The following ARHGAP39 variants were observed in gnomAD, a reference collection of about 807,000 sequenced individuals.
ARHGAP39 encodes the protein rho GTPase-activating protein 39.
In ARHGAP39, 44 loss-of-function variants were observed where a neutral mutation model predicts 106.9. The observed-to-expected ratio is 0.41, with a 90% CI of 0.32 to 0.53. The LOEUF is 0.53. Among genes scored for constraint, ARHGAP39 ranks in the 20% least tolerant of loss-of-function variants. ARHGAP39 has a pLI of 0.21. For missense variants in ARHGAP39, 1,496 were observed against 1,577.3 expected (o/e 0.95, Z 0.87); for synonymous variants, 768 against 693.2 (o/e 1.11, Z -1.69).
chr8:144,535,376 G>A lies in ARHGAP39; in HGVS notation c.2615-1174C>T, dbSNP rs561987512. Among the ~76,000 whole-genome samples, 4 of 152,304 alleles carry A rather than the reference G, an allele frequency of 2.6e-5. No individual in the cohort carries two copies. In the South Asian group the frequency reaches 8.3e-4, roughly 32 times the overall value. ...CTAGAAAATCTGTCATGGTCCTTGGGACCACAGGTCTTGGCAGAGGATGTG... is the reference window on the plus strand; with the variant it reads ...CTAGAAAATCTGTCATGGTCCTTGGAACCACAGGTCTTGGCAGAGGATGTG... On this transcript the variant is annotated intron_variant, in intron 7 of 11. Transcript: ENST00000377307.
Position 144,547,078 on chromosome 8 carries a change from T to C in ARHGAP39, c.1959+49A>G, listed in dbSNP as rs1252285685. On this transcript the variant is annotated intron_variant, in intron 5 of 11. Transcript: ENST00000377307. The surrounding 1 kb of genome is among the most constrained non-coding windows in gnomAD (Gnocchi z 5.2). ...CCTGGCCCACGGGGTCCACTCTGAC[T>C]GGGCTGGCCCCAGGCTCTCAAGCTC... The C allele has an allele frequency of 1.3e-6, 2 of 1,501,976 alleles. No individual in the cohort carries two copies. Among genetic ancestry groups the C allele is most frequent in the Admixed American group, 4.5e-5 (2 of 44,390 alleles). The allele number at this position is 1,501,976 out of a possible 1,614,324, so 93.0% of individuals were successfully genotyped here. A position where few individuals can be genotyped will look rare whatever the true frequency, so the allele number is the denominator to read the frequency against.
intron 1 of ARHGAP39, among the ~76,000 whole-genome samples, chr8:144,650,418 T>C (rs1821545451): frequency 6.6e-6 from 1 of 152,156 alleles, no homozygotes; most frequent in African/African-American, 2.4e-5. Flanking sequence ...AGCATCATCC[T>C]GATACCAAAA....
At position 144,663,941 on chromosome 8, in the gene ARHGAP39, C is replaced by T. The variant is rs576285032; in HGVS notation, c.-82+21745G>A. 8.5e-5 allele frequency among the ~76,000 whole-genome samples: 13 copies of T among 152,224 alleles called. No homozygotes were observed. In the South Asian group the frequency reaches 1.2e-3, roughly 15 times the overall value. On this transcript the variant is annotated intron_variant, in intron 1 of 11. Coordinates refer to ENST00000377307, the MANE Select transcript of ARHGAP39 (RefSeq NM_025251.3). ...CAGCACGCTGGGTGGCTGAGACAGG[C>T]GGATCACTTGAGGCCAGGAGTTCAA...
intron 1 of ARHGAP39, among the ~76,000 whole-genome samples, chr8:144,617,816 C>T (rs1039193655): frequency 3.3e-5 from 5 of 152,184 alleles, no homozygotes; most frequent in African/African-American, 1.2e-4. Flanking sequence ...GGGTCTTGCT[C>T]TGTCGCCCAG....
At chr8:144,662,119 T>C (rs1259278505) in intron 1 of ARHGAP39, among the ~76,000 whole-genome samples, 2 of 150,216 alleles carry the variant, frequency 1.3e-5, no homozygotes, top group Non-Finnish European at 3.0e-5. Context: ...TTATCCAACT[T>C]GGACCGCTCA....
chr8:144,538,966 C>T (rs1243679215), intron 6 of ARHGAP39, among the ~76,000 whole-genome samples: 20 of 124,128 alleles, frequency 1.6e-4, no homozygotes, highest in Admixed American at 1.4e-3. Flanking sequence ...GAACTCCTTC[C>T]GCTGGCCCCT....
intron 3 of ARHGAP39, among the ~76,000 whole-genome samples, chr8:144,574,558 C>CA (rs1818703614): frequency 6.6e-6 from 1 of 152,174 alleles, no homozygotes; most frequent in Non-Finnish European, 1.5e-5. Context: ...CCTGTAGTCC[C>CA]AGCTACTCGG....
chr8:144,573,003 G>A (rs963203423), intron 3 of ARHGAP39, among the ~76,000 whole-genome samples: 2 of 152,064 alleles, frequency 1.3e-5, no homozygotes, highest in Non-Finnish European at 2.9e-5. Flanking sequence ...CACTGTTGGT[G>A]GGACTGTAAA....
chr8:144,612,991 G>A (rs1820534740), intron 1 of ARHGAP39, among the ~76,000 whole-genome samples: 1 of 152,122 alleles, frequency 6.6e-6, no homozygotes, highest in African/African-American at 2.4e-5. Context: ...ATTTTATGTG[G>A]GTCAACTTTA....
At chr8:144,606,807 A>G (rs11785531) in intron 1 of ARHGAP39, among the ~76,000 whole-genome samples, 1 of 152,194 alleles carries the variant, frequency 6.6e-6, no homozygotes, top group Non-Finnish European at 1.5e-5. Context: ...TTCTAGATGC[A>G]CTGTAGGTCT....
chr8:144,603,563 A>C (rs1014571670), intron 2 of ARHGAP39, among the ~76,000 whole-genome samples: 2 of 151,840 alleles, frequency 1.3e-5, no homozygotes, highest in African/African-American at 2.4e-5. Flanking sequence ...GGTGGTGCGC[A>C]CCTGTAATCC....
chr8:144,593,350 T>G (rs1819478624), intron 2 of ARHGAP39, among the ~76,000 whole-genome samples: 1 of 152,098 alleles, frequency 6.6e-6, no homozygotes, highest in Non-Finnish European at 1.5e-5. Flanking sequence ...GGAGAGTCTC[T>G]TCAACAAACG....
intron 3 of ARHGAP39, among the ~76,000 whole-genome samples, chr8:144,556,025 C>T (rs1206597349): frequency 1.3e-5 from 2 of 152,206 alleles, no homozygotes; most frequent in Non-Finnish European, 1.5e-5. Flanking sequence ...GTGGCTCACG[C>T]CTGGAATCCC....
rs114002944 is a variant in ARHGAP39, at chr8:144,640,628, C to G, written c.-81-34933G>C. On this transcript the variant is annotated intron_variant, in intron 1 of 11. Transcript: ENST00000377307. ...CTTGAAAACAGACTAATACAGCACA[C>G]TTACAAAGCAACACTTCAATGTAGA... Among the ~76,000 whole-genome samples the G allele has an allele frequency of 8.7e-3, 1,324 of 152,296 alleles. 15 individuals are homozygous for G. The highest frequency in any genetic ancestry group is 0.031 in the African/African-American group (1,277 of 41,550).
chr8:144,601,800 C>A (rs527795074), intron 2 of ARHGAP39, among the ~76,000 whole-genome samples: 2 of 109,164 alleles, frequency 1.8e-5, no homozygotes, highest in South Asian at 6.5e-4. Flanking sequence ...TGCTAATGTA[C>A]CTGTGTGTGT....
rs777276292 is a variant in ARHGAP39, at chr8:144,533,311, G to A, written c.2703C>T (p.Pro901=). 8 of 1,612,868 alleles carry A rather than the reference G, an allele frequency of 5.0e-6. No individual in the cohort carries two copies. In the Admixed American group the frequency reaches 1.3e-4, roughly 27 times the overall value. ...TGGCATGCCGGATCTCCTCCACGTT[G>A]GGCTTCTTCAGCCCCTGTGAAGACA... ...LTGAKKGLKK[P]NVEEIRHAKN... is the part of the protein sequence containing the mutation. The change falls in exon 9 of 12, where the codon CCC becomes CCT. Residue 901 remains proline, a synonymous_variant. Transcript: ENST00000377307.
chr8:144,595,952 G>A (rs1169249062), intron 2 of ARHGAP39, among the ~76,000 whole-genome samples: 4 of 152,082 alleles, frequency 2.6e-5, no homozygotes, highest in Admixed American at 2.6e-4. Context: ...TATCCTTATA[G>A]TTCTGCCAGG....
chr8:144,533,021 A>G, intron 9 of ARHGAP39, 105 bp downstream of exon 9: 1 of 1,379,512 alleles, frequency 7.2e-7, no homozygotes. Flanking sequence ...ATGGGTGCGG[A>G]AGCAGCCCAG....
chr8:144,626,899 C>T (rs1820932276), intron 1 of ARHGAP39, among the ~76,000 whole-genome samples: 3 of 152,260 alleles, frequency 2.0e-5, no homozygotes. Context: ...GGCAGCAGCA[C>T]TGAGGTGGGA....
Sources: allele counts gnomAD v4.1 joint callset (sites outside exome capture counted in the v4.1 genomes callset), GRCh38; gene constraint gnomAD v4.1.1; non-coding constraint Gnocchi (gnomAD v3.1); transcripts MANE v1.5; gene names NCBI Gene and HGNC (gene_info 2026-07-23, HGNC 2026-07-21).